The following DNAJC5 variants were observed in gnomAD, a reference collection of about 807,000 sequenced individuals.
DNAJC5 encodes the protein DnaJ heat shock protein family (Hsp40) member C5.
DNAJC5 carries 1 observed loss-of-function variant against 23.2 expected under a neutral mutation model. The ratio of observed to expected loss-of-function variants is 0.04; its 90% CI spans 0.02 to 0.20. The LOEUF (loss-of-function observed/expected upper bound fraction) is 0.20. Among genes scored for constraint, DNAJC5 ranks in the 10% least tolerant of loss-of-function variants. The pLI is 1.00. For missense variants in DNAJC5, 180 were observed against 267.0 expected (o/e 0.67, Z 2.27); for synonymous variants, 136 against 120.0 (o/e 1.13, Z -0.87).
chr20:63,901,347 G>A (rs1057121872), intron 1 of DNAJC5, among the ~76,000 whole-genome samples: 13 of 152,230 alleles, frequency 8.5e-5, no homozygotes, highest in Admixed American at 8.5e-4. Context: ...AGCCCCATCG[G>A]CTGTGCCCTG....
At chr20:63,905,094 G>A (rs1003662378) in intron 1 of DNAJC5, among the ~76,000 whole-genome samples, 24 of 146,818 alleles carry the variant, frequency 1.6e-4, no homozygotes, top group Non-Finnish European at 2.7e-4. Flanking sequence ...GTGAGCCACC[G>A]TGCCTGGCTT....
At chr20:63,922,708 T>A (rs952724974) in intron 1 of DNAJC5, among the ~76,000 whole-genome samples, 1 of 152,038 alleles carries the variant, frequency 6.6e-6, no homozygotes. Context: ...AGGTTGAGGC[T>A]GCCATGATCC....
At chr20:63,926,739 C>A (rs563017834) in intron 1 of DNAJC5, among the ~76,000 whole-genome samples, 3 of 152,210 alleles carry the variant, frequency 2.0e-5, no homozygotes, top group African/African-American at 7.2e-5. Flanking sequence ...TCGGGACCCC[C>A]GTGGACTGGG....
intron 1 of DNAJC5, among the ~76,000 whole-genome samples, chr20:63,921,452 G>A (rs546599650): frequency 2.0e-5 from 3 of 152,080 alleles, no homozygotes; most frequent in African/African-American, 4.8e-5. Context: ...TTAGCCGGGC[G>A]TGGTGGCGGG....
chr20:63,917,815 C>T (rs1343334747), intron 1 of DNAJC5, among the ~76,000 whole-genome samples: 3 of 152,068 alleles, frequency 2.0e-5, no homozygotes, highest in Non-Finnish European at 2.9e-5. Context: ...CCTTGGCCTC[C>T]CAAAGTTCTG....
chr20:63,931,397 A>T lies in DNAJC5; in HGVS notation c.494-68A>T. The T allele has an allele frequency of 6.9e-7, 1 of 1,443,120 alleles. No homozygotes were observed. The allele number at this position is 1,443,120 out of a possible 1,614,324, so 89.4% of individuals were successfully genotyped here. The stretch of plus-strand genomic sequence containing the variant: ...TGTCCAGGTGCCCGAAAGTCGCTCC[A>T]CAGGACCAGCGTTGGGTGCGCGCCA... On this transcript the variant is annotated intron_variant, in intron 4 of 4. Coordinates refer to ENST00000360864, the MANE Select transcript of DNAJC5 (RefSeq NM_025219.3). This position sits in a 1 kb window ranked among gnomAD's most constrained non-coding sequence, Gnocchi z 9.6.
chr20:63,922,392 G>A (rs2053580464), intron 1 of DNAJC5, among the ~76,000 whole-genome samples: 1 of 151,854 alleles, frequency 6.6e-6, no homozygotes, highest in African/African-American at 2.4e-5. Flanking sequence ...GAACCTGGGT[G>A]GTGGAGGGTG....
Position 63,931,307 on chromosome 20 carries a change from C to A in DNAJC5, c.494-158C>A. 1.2e-6 allele frequency: 1 copy of A among 853,106 alleles called. No individual in the cohort carries two copies. The highest frequency in any genetic ancestry group is 1.9e-6 in the Non-Finnish European group (1 of 529,646). 52.8% of individuals were successfully genotyped at this position (853,106 alleles called of 1,614,324 possible). ...CTGAGGGCCGAGGGCTGGCGGTGAC[C>A]CAAGGCGACGGAGGAAAGCCGTGTG... is the stretch of plus-strand genomic sequence containing the variant. On this transcript the variant is annotated intron_variant, in intron 4 of 4. Coordinates refer to ENST00000360864, the MANE Select transcript of DNAJC5 (RefSeq NM_025219.3). The surrounding 1 kb of genome is among the most constrained non-coding windows in gnomAD (Gnocchi z 9.6).
chr20:63,923,493 C>T (rs1036571876), intron 1 of DNAJC5, among the ~76,000 whole-genome samples: 2 of 151,556 alleles, frequency 1.3e-5, no homozygotes, highest in African/African-American at 4.8e-5. Context: ...GATCCCAGCA[C>T]TTTGGGAGGC....
At chr20:63,904,542 G>A (rs1034271170) in intron 1 of DNAJC5, among the ~76,000 whole-genome samples, 1 of 152,190 alleles carries the variant, frequency 6.6e-6, no homozygotes, top group African/African-American at 2.4e-5. Context: ...CTGCCTCTTA[G>A]TGTGTCTGAC....
chr20:63,909,557 C>G (rs552610481), intron 1 of DNAJC5, among the ~76,000 whole-genome samples: 4 of 145,892 alleles, frequency 2.7e-5, no homozygotes, highest in Non-Finnish European at 4.5e-5. Flanking sequence ...TGATGCGTGC[C>G]GTAGTCCCAG....
Position 63,934,651 on chromosome 20 carries a change from A to G in DNAJC5, c.*3083A>G, listed in dbSNP as rs2053702928. On this transcript the variant is annotated 3_prime_UTR_variant, in exon 5 of 5. Transcript: ENST00000360864. ...TGGCTTTATTTTTAAACTGCTTTAG[A>G]TATTACTGCTCAGTGTTTGTGAACT... 1 of 152,240 alleles carries G rather than the reference A, an allele frequency of 6.6e-6. No individual in the cohort carries two copies. Among genetic ancestry groups the G allele is most frequent in the African/African-American group, 2.4e-5 (1 of 41,450 alleles). The allele number at this position is 152,240 out of a possible 1,614,324, so 9.4% of individuals were successfully genotyped here.
chr20:63,916,870 A>G (rs894210613), intron 1 of DNAJC5, among the ~76,000 whole-genome samples: 2 of 152,220 alleles, frequency 1.3e-5, no homozygotes, highest in Non-Finnish European at 2.9e-5. Context: ...GCTCTCTGCA[A>G]GAAGAAAAAT....
chr20:63,931,595 G>A lies in DNAJC5; in HGVS notation c.*27G>A, dbSNP rs773417550. 2.0e-6 allele frequency: 3 copies of A among 1,537,546 alleles called. No individual in the cohort carries two copies. In the Admixed American group the frequency reaches 5.9e-5, roughly 30 times the overall value. On this transcript the variant is annotated 3_prime_UTR_variant, in exon 5 of 5. Coordinates refer to ENST00000360864, the MANE Select transcript of DNAJC5 (RefSeq NM_025219.3). This position sits in a 1 kb window ranked among gnomAD's most constrained non-coding sequence, Gnocchi z 9.6. ...TCCAGGAGGAGCTGTGGTCAGAGGA[G>A]GAGCCGGCGCCTGGCCACGCCAACC...
intron 1 of DNAJC5, among the ~76,000 whole-genome samples, chr20:63,918,020 C>A (rs971410356): frequency 6.6e-6 from 1 of 152,188 alleles, no homozygotes; most frequent in Non-Finnish European, 1.5e-5. Flanking sequence ...GTCCGCCCTT[C>A]GCCACCCACC....
At chr20:63,926,385 G>A (rs1440488110) in intron 1 of DNAJC5, among the ~76,000 whole-genome samples, 1 of 152,138 alleles carries the variant, frequency 6.6e-6, no homozygotes, top group South Asian at 2.1e-4. Context: ...TGTTTTCATG[G>A]ATTTCTGTTC....
intron 1 of DNAJC5, among the ~76,000 whole-genome samples, chr20:63,895,973 A>T (rs1168339884): frequency 6.6e-6 from 1 of 152,206 alleles, no homozygotes; most frequent in Non-Finnish European, 1.5e-5. Flanking sequence ...TCTGGATTAA[A>T]GACTCTCTTT....
At chr20:63,912,213 G>A (rs1243246041) in intron 1 of DNAJC5, among the ~76,000 whole-genome samples, 3 of 151,576 alleles carry the variant, frequency 2.0e-5, no homozygotes, top group Admixed American at 1.3e-4. Context: ...TGAGGCAGGA[G>A]AATCGCTTGA....
At chr20:63,908,077 C>A (rs1264809009) in intron 1 of DNAJC5, among the ~76,000 whole-genome samples, 1 of 152,172 alleles carries the variant, frequency 6.6e-6, no homozygotes, top group South Asian at 2.1e-4. Context: ...TGAAATTTCG[C>A]ATGTTTTACG....
Sources: allele counts gnomAD v4.1 joint callset (sites outside exome capture counted in the v4.1 genomes callset), GRCh38; gene constraint gnomAD v4.1.1; non-coding constraint Gnocchi (gnomAD v3.1); transcripts MANE v1.5; gene names NCBI Gene and HGNC (gene_info 2026-07-23, HGNC 2026-07-21).